TRERF1: variants seen among roughly 807,000 people sequenced by gnomAD.
The protein encoded by TRERF1 is transcriptional regulating factor 1, also known as transcriptional-regulating factor 1.
Under a neutral mutation model 122.9 loss-of-function variants are expected in TRERF1, and 27 were observed. That is an observed-to-expected ratio of 0.22 (90% confidence interval 0.16 to 0.30). TRERF1 has a LOEUF of 0.30. Ranked by LOEUF, TRERF1 falls within the 10% of genes least tolerant of loss-of-function variation. TRERF1 has a pLI of 1.00. For synonymous variants in TRERF1, 636 were observed against 641.7 expected (o/e 0.99, Z 0.13); for missense variants, 1,248 against 1,560.3 (o/e 0.80, Z 3.37).
intron 3 of TRERF1, among the ~76,000 whole-genome samples, chr6:42,330,924 C>T (rs1765131519): frequency 6.6e-6 from 1 of 152,122 alleles, no homozygotes; most frequent in Non-Finnish European, 1.5e-5. Context: ...AGAGATCCAC[C>T]CGCCTCGACC....
In TRERF1 at chr6:42,254,811, C is replaced by T. The variant is rs368347287; in HGVS notation, c.2656+40G>A. ...ACAACCGAACATGCAAGCAGCCCGT[C>T]GTCAGGAGGCAACAGGACACAGGGC... On this transcript the variant is annotated intron_variant, in intron 13 of 17. Coordinates refer to ENST00000372922, the Ensembl canonical transcript of TRERF1. 2.4e-5 allele frequency: 38 copies of T among 1,576,528 alleles called. 1 individual carries two copies. In the Admixed American group the frequency reaches 3.5e-4, roughly 15 times the overall value.
chr6:42,361,164 A>G (rs1015537431), intron 3 of TRERF1, among the ~76,000 whole-genome samples: 1 of 152,304 alleles, frequency 6.6e-6, no homozygotes, highest in Non-Finnish European at 1.5e-5. Context: ...GGTCTGAGAG[A>G]GCTCTGGTCC....
Position 42,275,869 on chromosome 6 carries a change from C to T in TRERF1, c.-258-6021G>A, listed in dbSNP as rs1250535646. Among the ~76,000 whole-genome samples, 1 of 152,202 alleles carries T rather than the reference C, an allele frequency of 6.6e-6. No homozygotes were observed. Among genetic ancestry groups the T allele is most frequent in the Non-Finnish European group, 1.5e-5 (1 of 68,038 alleles). ...CATATGGTTTCTGTCACAACGCTGC[C>T]ACGGTAGCGTGAAAGCGGCCACAGA... is the stretch of plus-strand genomic sequence containing the variant. On this transcript the variant is annotated intron_variant, in intron 4 of 17. Coordinates refer to ENST00000372922, the Ensembl canonical transcript of TRERF1. The surrounding 1 kb of genome is among the most constrained non-coding windows in gnomAD (Gnocchi z 4.1).
intron 4 of TRERF1, among the ~76,000 whole-genome samples, chr6:42,289,947 C>T (rs751368724): frequency 6.6e-6 from 1 of 152,108 alleles, no homozygotes; most frequent in Non-Finnish European, 1.5e-5. Context: ...CAGATGTGAC[C>T]TAGATGTCAG....
At chr6:42,366,871 C>T (rs73733156) in intron 2 of TRERF1, among the ~76,000 whole-genome samples, 13,464 of 152,182 alleles carry the variant, frequency 0.088, 889 homozygotes, top group African/African-American at 0.18. Context: ...CATCTGATCA[C>T]CCCAGGCAGA....
Position 42,232,729 on chromosome 6 carries a change from C to T in TRERF1, c.3230G>A (p.Ser1077Asn). ...GATGGTGGTGGGGTCTGTCTCGCCGCTGGTGGTGCTGTGAGAGGGTGAGCT... is the reference window on the plus strand; with the variant it reads ...GATGGTGGTGGGGTCTGTCTCGCCGTTGGTGGTGCTGTGAGAGGGTGAGCT... Residue 1077 changes from serine to asparagine, a missense_variant, in exon 17 of 18, where the codon AGC becomes AAC. By Grantham distance (46) the Ser-to-Asn change is conservative. Coordinates refer to ENST00000372922, the Ensembl canonical transcript of TRERF1. The surrounding 1 kb of genome is among the most constrained non-coding windows in gnomAD (Gnocchi z 4.5). The T allele has an allele frequency of 6.2e-7, 1 of 1,609,214 alleles. No homozygotes were observed. Among genetic ancestry groups the T allele is most frequent in the Non-Finnish European group, 8.5e-7 (1 of 1,175,908 alleles).
At position 42,259,510 on chromosome 6, in the gene TRERF1, C is replaced by T; in HGVS notation, c.2098G>A (p.Asp700Asn). 1 of 1,612,530 alleles carries T rather than the reference C, an allele frequency of 6.2e-7. No individual in the cohort carries two copies. The highest frequency in any genetic ancestry group is 8.5e-7 in the Non-Finnish European group (1 of 1,179,700). ...TAAGGGGGCAGCTCGTGGGTGGGGT[C>T]CAGGAGCAGGTGGTCCCCGAGGACG... is the stretch of plus-strand genomic sequence containing the variant. The change falls in exon 9 of 18, where the codon GAC becomes AAC. Residue 700 changes from aspartate (D) to asparagine (N), a missense_variant. Transcript: ENST00000372922. The surrounding 1 kb of genome is among the most constrained non-coding windows in gnomAD (Gnocchi z 4.9).
In TRERF1 at chr6:42,424,910, T is replaced by C. The variant is rs181671579; in HGVS notation, c.-454+26267A>G. ...CATCACTATTTTCTTCACCACTGCA[T>C]ACTGTGCAAGTGGCACAAAGTAGAG... On this transcript the variant is annotated intron_variant, in intron 2 of 17. Transcript: ENST00000372922. 3.9e-3 allele frequency among the ~76,000 whole-genome samples: 594 copies of C among 152,342 alleles called. 6 individuals are homozygous for C. The highest frequency in any genetic ancestry group is 0.014 in the African/African-American group (569 of 41,566).
chr6:42,316,078 C>T (rs1387247783), intron 3 of TRERF1, among the ~76,000 whole-genome samples: 1 of 152,182 alleles, frequency 6.6e-6, no homozygotes, highest in Non-Finnish European at 1.5e-5. Flanking sequence ...GTCAGGCTGC[C>T]TGGCTAATGG....
chr6:42,311,512 C>A (rs1442713865), intron 3 of TRERF1, among the ~76,000 whole-genome samples: 1 of 151,826 alleles, frequency 6.6e-6, no homozygotes, highest in Non-Finnish European at 1.5e-5. Flanking sequence ...CTCCTGTAAT[C>A]CCAGCACTTT....
chr6:42,341,484 C>T (rs1173045639), intron 3 of TRERF1, among the ~76,000 whole-genome samples: 2 of 152,222 alleles, frequency 1.3e-5, no homozygotes, highest in Non-Finnish European at 2.9e-5. Flanking sequence ...CATGGGTCTG[C>T]CCCGGAGTCT....
At chr6:42,299,092 C>G (rs533787820) in intron 4 of TRERF1, among the ~76,000 whole-genome samples, 4 of 126,790 alleles carry the variant, frequency 3.2e-5, no homozygotes, top group Admixed American at 8.0e-5. Flanking sequence ...ATCTATCTAT[C>G]TATCTGTCTG....
intron 4 of TRERF1, among the ~76,000 whole-genome samples, chr6:42,271,111 G>A (rs1231805875): frequency 6.6e-6 from 1 of 151,130 alleles, no homozygotes; most frequent in African/African-American, 2.4e-5. Flanking sequence ...CTTGAACCCG[G>A]GAGGCAGAGG....
intron 17 of TRERF1, among the ~76,000 whole-genome samples, chr6:42,230,017 A>G (rs980910546): frequency 6.6e-6 from 1 of 152,186 alleles, no homozygotes; most frequent in African/African-American, 2.4e-5. Context: ...TTTCAGAAGA[A>G]GCGTGCCCAG....
intron 2 of TRERF1, among the ~76,000 whole-genome samples, chr6:42,445,365 C>CAG (rs1562226104): frequency 5.3e-5 from 8 of 151,372 alleles, no homozygotes; most frequent in Admixed American, 1.3e-4. Flanking sequence ...CACACACACA[C>CAG]ACACACACAC....
chr6:42,233,162 G>T (rs1296396872), intron 16 of TRERF1, among the ~76,000 whole-genome samples: 1 of 152,090 alleles, frequency 6.6e-6, no homozygotes, highest in Non-Finnish European at 1.5e-5. Flanking sequence ...CTGTCTAGAA[G>T]TCAAGACGTC....
intron 2 of TRERF1, among the ~76,000 whole-genome samples, chr6:42,421,437 T>C (rs955599647): frequency 6.6e-5 from 10 of 152,194 alleles, no homozygotes; most frequent in African/African-American, 2.4e-4. Context: ...GACTTTTTTT[T>C]CCCTACTTTC....
intron 3 of TRERF1, among the ~76,000 whole-genome samples, chr6:42,358,303 G>C (rs1365290530): frequency 6.6e-6 from 1 of 152,098 alleles, no homozygotes; most frequent in African/African-American, 2.4e-5. Context: ...ATGACTGCAG[G>C]GTAAACGGCT....
At position 42,232,755 on chromosome 6, in the gene TRERF1, C is replaced by T. The variant is rs1770847411; in HGVS notation, c.3204G>A (p.Lys1068=). 3.7e-6 allele frequency: 6 copies of T among 1,611,768 alleles called. No homozygotes were observed. In the East Asian group the frequency reaches 1.3e-4, roughly 36 times the overall value. The change falls in exon 17 of 18, where the codon AAG becomes AAA. Residue 1068 remains lysine, a synonymous_variant. Transcript: ENST00000372922. This position sits in a 1 kb window ranked among gnomAD's most constrained non-coding sequence, Gnocchi z 4.5. Reference sequence around the variant, plus strand: ...TGGTGGTGCTGTGAGAGGGTGAGCTCTTTACCGAACAGTACCCACTCTGGG... The same window carrying T: ...TGGTGGTGCTGTGAGAGGGTGAGCTTTTTACCGAACAGTACCCACTCTGGG...
Sources: allele counts gnomAD v4.1 joint callset (sites outside exome capture counted in the v4.1 genomes callset), GRCh38; gene constraint gnomAD v4.1.1; non-coding constraint Gnocchi (gnomAD v3.1); transcripts MANE v1.5; gene names NCBI Gene and HGNC (gene_info 2026-07-23, HGNC 2026-07-21).